The following CAPZB variants were observed in gnomAD, a reference collection of about 807,000 sequenced individuals.
The protein encoded by CAPZB is F-actin-capping protein subunit beta.
CAPZB carries 2 observed loss-of-function variants against 38.1 expected under a neutral mutation model. That is an observed-to-expected ratio of 0.05 (90% confidence interval 0.02 to 0.17). The LOEUF is 0.17. CAPZB is among the 10% of genes least tolerant of loss of function. The pLI is 1.00. For synonymous variants in CAPZB, 107 were observed against 127.4 expected (o/e 0.84, Z 1.08); for missense variants, 161 against 334.2 (o/e 0.48, Z 4.04).
At chr1:19,395,129 T>C (rs1004487631) in intron 2 of CAPZB, among the ~76,000 whole-genome samples, 3 of 152,156 alleles carry the variant, frequency 2.0e-5, no homozygotes, top group Admixed American at 2.0e-4. Context: ...TTCCAGTGGA[T>C]TTTTCGTCAC....
chr1:19,470,320 T>G (rs778093492), intron 1 of CAPZB, among the ~76,000 whole-genome samples: 1 of 152,238 alleles, frequency 6.6e-6, no homozygotes, highest in Non-Finnish European at 1.5e-5. Context: ...CGATGATTCC[T>G]GTCCCTATGT....
At chr1:19,484,047 G>A (rs1276281600) in intron 1 of CAPZB, 4 of 770,512 alleles carry the variant, frequency 5.2e-6, no homozygotes, top group African/African-American at 1.8e-5. Flanking sequence ...TCCTGCAGAA[G>A]GGTCAAGTGG....
chr1:19,379,201 C>T (rs541051116), intron 3 of CAPZB, among the ~76,000 whole-genome samples: 15 of 151,030 alleles, frequency 9.9e-5, no homozygotes, highest in South Asian at 2.1e-4. Flanking sequence ...TGGGTTCAGG[C>T]GATTCTCGTG....
chr1:19,409,774 C>T (rs1052769793), intron 2 of CAPZB, among the ~76,000 whole-genome samples: 1 of 152,204 alleles, frequency 6.6e-6, no homozygotes, highest in Non-Finnish European at 1.5e-5. Flanking sequence ...GTGTTCCTTG[C>T]TTTTTAATTT....
chr1:19,428,270 G>A (rs932948980), intron 1 of CAPZB, among the ~76,000 whole-genome samples: 6 of 152,150 alleles, frequency 3.9e-5, no homozygotes, highest in Non-Finnish European at 4.4e-5. Flanking sequence ...GGGCGTGGTG[G>A]CAGATGCCTG....
chr1:19,472,490 G>C (rs1436696044), intron 1 of CAPZB, among the ~76,000 whole-genome samples: 9 of 152,232 alleles, frequency 5.9e-5, no homozygotes, highest in African/African-American at 2.2e-4. Flanking sequence ...CACCAGCTTA[G>C]CCAATGACAG....
At chr1:19,471,660 C>A (rs563329266) in intron 1 of CAPZB, among the ~76,000 whole-genome samples, 8 of 152,024 alleles carry the variant, frequency 5.3e-5, no homozygotes, top group East Asian at 1.9e-4. Context: ...GTCAGGAGAT[C>A]AAGACCATCC....
At chr1:19,414,682 G>A (rs550956049) in intron 2 of CAPZB, among the ~76,000 whole-genome samples, 1 of 152,292 alleles carries the variant, frequency 6.6e-6, no homozygotes, top group South Asian at 2.1e-4. Flanking sequence ...TCCTTCCTCA[G>A]CTCAGGGCTC....
At chr1:19,365,394 G>C (rs760910408) in intron 4 of CAPZB, among the ~76,000 whole-genome samples, 1 of 152,212 alleles carries the variant, frequency 6.6e-6, no homozygotes, top group East Asian at 1.9e-4. Flanking sequence ...CTGTGCAAAT[G>C]AGGATGTCAC....
chr1:19,401,236 A>G (rs1239473693), intron 2 of CAPZB, among the ~76,000 whole-genome samples: 2 of 152,116 alleles, frequency 1.3e-5, no homozygotes, highest in Admixed American at 1.3e-4. Flanking sequence ...CCCCAAACAA[A>G]AGTGAGGGCT....
At position 19,356,289 on chromosome 1, in the gene CAPZB, G is replaced by C. The variant is rs2094020349; in HGVS notation, c.588+346C>G. Among the ~76,000 whole-genome samples the C allele has an allele frequency of 2.6e-5, 4 of 151,066 alleles. No homozygotes were observed. The Admixed American group carries it at 2.7e-4, about 10-fold the overall frequency. On this transcript the variant is annotated intron_variant, in intron 6 of 8. Transcript: ENST00000264202. This position sits in a 1 kb window ranked among gnomAD's most constrained non-coding sequence, Gnocchi z 4.3. ...TCCCAGAGAGCTGGCCTGACTGATG[G>C]GCTGGGCATGGCCACAGAGACGGCA...
intron 1 of CAPZB, among the ~76,000 whole-genome samples, chr1:19,438,357 A>G (rs761776832): frequency 6.6e-6 from 1 of 152,194 alleles, no homozygotes; most frequent in African/African-American, 2.4e-5. Context: ...ATGCCTCCAG[A>G]AAGTCAGGGA....
intron 1 of CAPZB, among the ~76,000 whole-genome samples, chr1:19,428,128 C>T (rs2100561068): frequency 6.6e-6 from 1 of 152,350 alleles, no homozygotes; most frequent in Non-Finnish European, 1.5e-5. Flanking sequence ...TAGGGCTGGA[C>T]ATAGTGGCTC....
chr1:19,343,219 C>T, intron 8 of CAPZB, among the ~76,000 whole-genome samples: 1 of 152,228 alleles, frequency 6.6e-6, no homozygotes, highest in East Asian at 1.9e-4. Flanking sequence ...GGCTCTAACC[C>T]TGTCACAGGT....
intron 4 of CAPZB, among the ~76,000 whole-genome samples, chr1:19,363,363 T>A (rs1169662894): frequency 4.6e-5 from 7 of 151,302 alleles, no homozygotes; most frequent in African/African-American, 1.5e-4. Context: ...TCTGGTTGGG[T>A]TTTTGTCTAT....
intron 2 of CAPZB, among the ~76,000 whole-genome samples, chr1:19,386,449 G>C (rs2094204540): frequency 6.6e-6 from 1 of 152,220 alleles, no homozygotes; most frequent in African/African-American, 2.4e-5. Context: ...TCAATGTGCT[G>C]ACTTATTTGT....
At chr1:19,368,833 A>G (rs2094105128) in intron 4 of CAPZB, among the ~76,000 whole-genome samples, 3 of 152,054 alleles carry the variant, frequency 2.0e-5, no homozygotes, top group Middle Eastern at 3.4e-3. Context: ...GCCCCACCGC[A>G]CCTATTCTTG....
intron 4 of CAPZB, among the ~76,000 whole-genome samples, chr1:19,360,037 A>G (rs931288542): frequency 1.3e-5 from 2 of 152,184 alleles, no homozygotes; most frequent in African/African-American, 4.8e-5. Context: ...AGATCAGGCC[A>G]TTCTGCAATG....
At chr1:19,358,658 C>T (rs1047942670) in intron 4 of CAPZB, among the ~76,000 whole-genome samples, 1 of 152,222 alleles carries the variant, frequency 6.6e-6, no homozygotes, top group African/African-American at 2.4e-5. Context: ...CCAACAAAAA[C>T]TATGCGAAAT....
Sources: allele counts gnomAD v4.1 joint callset (sites outside exome capture counted in the v4.1 genomes callset), GRCh38; gene constraint gnomAD v4.1.1; non-coding constraint Gnocchi (gnomAD v3.1); transcripts MANE v1.5; gene names NCBI Gene and HGNC (gene_info 2026-07-23, HGNC 2026-07-21).